The following ANKS1B variants were observed in gnomAD, a reference collection of about 807,000 sequenced individuals.
The protein encoded by ANKS1B is ankyrin repeat and sterile alpha motif domain containing 1B.
A neutral mutation model predicts 148.3 loss-of-function variants in ANKS1B; 36 were observed. The ratio of observed to expected loss-of-function variants is 0.24; its 90% CI spans 0.19 to 0.32. The LOEUF is 0.32. Ranked by LOEUF, ANKS1B falls within the 10% of genes least tolerant of loss-of-function variation. The probability of loss-of-function intolerance (pLI) is 1.00; values close to 1 mark genes in which losing one functional copy is unlikely to be tolerated. For missense variants in ANKS1B, 1,157 were observed against 1,542.6 expected, an observed-to-expected ratio of 0.75 and a Z score of 4.19; for synonymous variants, 542 against 560.8, an observed-to-expected ratio of 0.97 and a Z score of 0.47.
In ANKS1B at chr12:99,251,806, T is replaced by G. The variant is rs955433380; in HGVS notation, c.1757-4942A>C. ...GGGTCATTGCATCTGATTTAGAAAATAAAAATTTTTCCTATTTTTAAGGAT... is the reference window on the plus strand; with the variant it reads ...GGGTCATTGCATCTGATTTAGAAAAGAAAAATTTTTCCTATTTTTAAGGAT... On this transcript the variant is annotated intron_variant, in intron 12 of 26. Coordinates refer to ENST00000683438, the MANE Select transcript of ANKS1B (RefSeq NM_001352186.2). Among the ~76,000 whole-genome samples the G allele has an allele frequency of 7.2e-5, 11 of 152,242 alleles. No individual in the cohort carries two copies. In the East Asian group the frequency reaches 2.1e-3, roughly 29 times the overall value.
chr12:98,987,729 C>A (rs900458592), intron 17 of ANKS1B, among the ~76,000 whole-genome samples: 1 of 152,100 alleles, frequency 6.6e-6, no homozygotes, highest in Non-Finnish European at 1.5e-5. Context: ...CTAACAAGAG[C>A]TGTTTTGGGA....
At chr12:99,214,578 G>A (rs1181147643) in intron 14 of ANKS1B, among the ~76,000 whole-genome samples, 2 of 152,166 alleles carry the variant, frequency 1.3e-5, no homozygotes, top group Admixed American at 1.3e-4. Context: ...ATGATTGTGA[G>A]GCCTCCTGTG....
chr12:99,940,844 T>C (rs1480453175), intron 1 of ANKS1B, among the ~76,000 whole-genome samples: 5 of 152,144 alleles, frequency 3.3e-5, no homozygotes, highest in Non-Finnish European at 7.4e-5. Flanking sequence ...CTAGCTAAGA[T>C]AAGGAAGGGC....
At chr12:99,680,330 G>A (rs2098606867) in intron 8 of ANKS1B, among the ~76,000 whole-genome samples, 1 of 152,106 alleles carries the variant, frequency 6.6e-6, no homozygotes, top group East Asian at 1.9e-4. Context: ...AATCCCAGCT[G>A]GCTGGGAGGC....
At chr12:99,533,062 A>G (rs1385116361) in intron 9 of ANKS1B, among the ~76,000 whole-genome samples, 1 of 152,210 alleles carries the variant, frequency 6.6e-6, no homozygotes, top group Non-Finnish European at 1.5e-5. Context: ...AATTCTGTGA[A>G]GAATGACATT....
chr12:98,847,553 T>C (rs1567116340), intron 17 of ANKS1B, among the ~76,000 whole-genome samples: 1 of 152,178 alleles, frequency 6.6e-6, no homozygotes, highest in Non-Finnish European at 1.5e-5. Flanking sequence ...TTGTGACTAA[T>C]GCTGCAATGA....
chr12:99,920,976 T>G (rs555536519), intron 1 of ANKS1B, among the ~76,000 whole-genome samples: 1 of 152,264 alleles, frequency 6.6e-6, no homozygotes, highest in East Asian at 1.9e-4. Flanking sequence ...CATTCTTTAG[T>G]CCAGTCAAGT....
Position 99,169,704 on chromosome 12 carries a change from C to T in ANKS1B, c.2420-15309G>A, listed in dbSNP as rs574192457. 1.4e-3 allele frequency among the ~76,000 whole-genome samples: 209 copies of T among 152,282 alleles called. 2 individuals are homozygous for T. The highest frequency in any genetic ancestry group is 2.4e-3 in the Non-Finnish European group (161 of 68,010). Reference sequence around the variant, plus strand: ...ACTGGGAGTCAGCTTCTATTCTAAACGTTCTACATGTATTGGCTCACTTTA... The same window carrying T: ...ACTGGGAGTCAGCTTCTATTCTAAATGTTCTACATGTATTGGCTCACTTTA... On this transcript the variant is annotated intron_variant, in intron 14 of 26. Transcript: ENST00000683438.
chr12:99,224,819 C>T (rs2153942500), intron 14 of ANKS1B, among the ~76,000 whole-genome samples: 1 of 152,250 alleles, frequency 6.6e-6, no homozygotes, highest in African/African-American at 2.4e-5. Context: ...AAACCAGGGC[C>T]TTTAACTTAA....
intron 9 of ANKS1B, among the ~76,000 whole-genome samples, chr12:99,597,395 T>C (rs1021930780): frequency 2.6e-5 from 4 of 151,994 alleles, no homozygotes; most frequent in Non-Finnish European, 1.5e-5. Flanking sequence ...GAAATTCAAC[T>C]AAGATTAAAC....
At chr12:99,631,276 T>C (rs2098157936) in intron 9 of ANKS1B, among the ~76,000 whole-genome samples, 1 of 152,194 alleles carries the variant, frequency 6.6e-6, no homozygotes, top group Non-Finnish European at 1.5e-5. Flanking sequence ...GTTTCAGGTA[T>C]TCTGTTATAA....
At chr12:98,954,445 A>G (rs992592509) in intron 17 of ANKS1B, 1 of 152,228 alleles carries the variant, frequency 6.6e-6, no homozygotes, top group African/African-American at 2.4e-5. Context: ...TACTGTTAAG[A>G]AGTGAAGCCT....
intron 1 of ANKS1B, among the ~76,000 whole-genome samples, chr12:99,944,167 C>G (rs1388413318): frequency 6.6e-6 from 1 of 152,156 alleles, no homozygotes; most frequent in African/African-American, 2.4e-5. Flanking sequence ...AAATTTACCC[C>G]ATCTTCATGC....
At chr12:99,865,406 G>A (rs372199381) in intron 1 of ANKS1B, among the ~76,000 whole-genome samples, 45 of 152,080 alleles carry the variant, frequency 3.0e-4, no homozygotes, top group Non-Finnish European at 5.3e-4. Context: ...CTCAGGGGTC[G>A]GTGGGAGGGG....
chr12:98,803,426 T>C (rs979264354), intron 20 of ANKS1B, among the ~76,000 whole-genome samples: 10 of 152,194 alleles, frequency 6.6e-5, no homozygotes, highest in African/African-American at 1.9e-4. Flanking sequence ...CAAACAGGTA[T>C]TGTACATTTA....
intron 6 of ANKS1B, among the ~76,000 whole-genome samples, chr12:99,778,098 G>A (rs989460072): frequency 2.0e-5 from 3 of 151,900 alleles, no homozygotes; most frequent in African/African-American, 7.2e-5. Flanking sequence ...TACTCGGGAG[G>A]CTGAGGCAGG....
intron 17 of ANKS1B, among the ~76,000 whole-genome samples, chr12:98,925,143 T>C (rs2099806418): frequency 6.6e-6 from 1 of 152,242 alleles, no homozygotes; most frequent in South Asian, 2.1e-4. Context: ...ATAAGCTTTC[T>C]GCATAAGAAC....
intron 15 of ANKS1B, among the ~76,000 whole-genome samples, chr12:99,093,168 T>C (rs2054661972): frequency 6.6e-6 from 1 of 152,202 alleles, no homozygotes; most frequent in South Asian, 2.1e-4. Context: ...TTACAGACCA[T>C]AGGGAGTGAC....
chr12:99,512,443 A>G (rs981922038), intron 9 of ANKS1B, among the ~76,000 whole-genome samples: 2 of 152,106 alleles, frequency 1.3e-5, no homozygotes, highest in Admixed American at 6.6e-5. Flanking sequence ...ATGCTTTCAT[A>G]CTGTTGGTGG....
Sources: allele counts gnomAD v4.1 joint callset (sites outside exome capture counted in the v4.1 genomes callset), GRCh38; gene constraint gnomAD v4.1.1; transcripts MANE v1.5; gene names NCBI Gene and HGNC (gene_info 2026-07-23, HGNC 2026-07-21).